Variants in ABCG2 observed in about 807,000 individuals in gnomAD.
ABCG2 encodes ATP binding cassette subfamily G member 2 (JR blood group).
In ABCG2, 80 loss-of-function variants were observed where a neutral mutation model predicts 73.5. The observed-to-expected ratio is 1.09, with a 90% confidence interval of 0.91 to 1.31. The LOEUF (loss-of-function observed/expected upper bound fraction) is 1.31, where lower values mean the gene tolerates loss of function less well. Among genes scored for constraint, ABCG2 ranks in the 50% most tolerant of loss-of-function variants. The pLI is 0.00. For synonymous variants in ABCG2, 269 were observed against 282.4 expected, an observed-to-expected ratio of 0.95 and a Z score of 0.48; for missense variants, 796 against 786.2, an observed-to-expected ratio of 1.01 and a Z score of -0.15.
chr4:88,158,761 G>C, upstream of ABCG2: 1 of 370,746 alleles, frequency 2.7e-6, no homozygotes, highest in Non-Finnish European at 5.2e-6. Flanking sequence ...CGCGGCGGCC[G>C]GCGTGGGAGG....
chr4:88,213,450 C>G (rs1729680778), intron 1 of ABCG2, among the ~76,000 whole-genome samples: 1 of 152,116 alleles, frequency 6.6e-6, no homozygotes, highest in African/African-American at 2.4e-5. Context: ...CACCCACCTG[C>G]ATCTGCTGCC....
intron 9 of ABCG2, among the ~76,000 whole-genome samples, chr4:88,108,542 GATAA>G (rs1722910980): frequency 6.6e-6 from 1 of 151,532 alleles, no homozygotes; most frequent in African/African-American, 2.4e-5. Flanking sequence ...AAAATAAATT[GATAA>G]ATAAATAAGA....
At chr4:88,101,665 G>A (rs945367387) in intron 10 of ABCG2, among the ~76,000 whole-genome samples, 7 of 152,178 alleles carry the variant, frequency 4.6e-5, no homozygotes, top group Non-Finnish European at 7.3e-5. Flanking sequence ...TTACAGGATA[G>A]GGAGGTGGGG....
intron 1 of ABCG2, among the ~76,000 whole-genome samples, chr4:88,222,889 A>C (rs1012574030): frequency 4.6e-5 from 7 of 152,202 alleles, no homozygotes; most frequent in African/African-American, 1.7e-4. Context: ...AAGGCCACAG[A>C]GGAAGAGCTG....
In ABCG2 at chr4:88,139,893, C is replaced by T; in HGVS notation, c.103G>A (p.Ala35Thr). ...CAGATGTTATGAAAACTTAACACAG[C>T]TCCTTCAGTAAATGCCTTCAGGTCA... ...SNDLKAFTEGAVLSFHNICYR... is the reference protein window; with the variant it reads ...SNDLKAFTEGTVLSFHNICYR... Residue 35 changes from alanine to threonine, a missense_variant, in exon 2 of 16, where the codon GCT becomes ACT. Physicochemically the swap from Ala to Thr is moderately conservative, Grantham distance 58 (BLOSUM62 0). Transcript: ENST00000237612. The T allele has an allele frequency of 1.2e-6, 2 of 1,614,172 alleles. No homozygotes were observed. Among genetic ancestry groups the T allele is most frequent in the South Asian group, 2.2e-5 (2 of 91,084 alleles).
rs376028551 is a variant in ABCG2, at chr4:88,118,149, G to A, written c.801C>T (p.His267=). 59 of 1,613,966 alleles carry A rather than the reference G, an allele frequency of 3.7e-5. No individual in the cohort carries two copies. Among genetic ancestry groups the A allele is most frequent in the South Asian group, 2.1e-4 (19 of 91,070 alleles). Residue 267 remains histidine, a synonymous_variant, in exon 7 of 16, where the codon CAC becomes CAT. Transcript: ENST00000237612. ...ATCCCAAGGCCTCCTGAGCAGGCCC[G>A]TGGAACATAAGTCTTCCTGAGGCCA... ...TLLASGRLMF[H]GPAQEALGYF...
chr4:88,124,381 G>C (rs1215644668), intron 5 of ABCG2, among the ~76,000 whole-genome samples: 1 of 152,168 alleles, frequency 6.6e-6, no homozygotes, highest in Non-Finnish European at 1.5e-5. Flanking sequence ...ATTGGATAAA[G>C]AGTCAAGACC....
chr4:88,230,135 G>A (rs1310314996), intron 1 of ABCG2, among the ~76,000 whole-genome samples: 2 of 149,594 alleles, frequency 1.3e-5, no homozygotes, highest in East Asian at 3.9e-4. Context: ...TGGGATTACA[G>A]GCGTGTGACA....
intron 8 of ABCG2, among the ~76,000 whole-genome samples, chr4:88,114,732 A>T (rs1723409217): frequency 1.3e-5 from 2 of 152,268 alleles, no homozygotes; most frequent in Non-Finnish European, 2.9e-5. Context: ...AGCATTTTTT[A>T]AAATGTTAAC....
chr4:88,094,991 T>C (rs948370648), intron 14 of ABCG2, among the ~76,000 whole-genome samples: 5 of 152,212 alleles, frequency 3.3e-5, no homozygotes, highest in African/African-American at 1.2e-4. Context: ...TGGTGCTCAA[T>C]GAGTATTGTT....
chr4:88,230,462 C>A (rs974849325), intron 1 of ABCG2, among the ~76,000 whole-genome samples: 1 of 151,644 alleles, frequency 6.6e-6, no homozygotes, highest in South Asian at 2.1e-4. Context: ...GCAGTTAATA[C>A]AAAAATTACA....
rs779953110 is a variant in ABCG2, at chr4:88,107,199, G to C, written c.1262C>G (p.Thr421Ser). ...ATTTACTTACCTGTTCTGGATTCCA[G>C]TAGAATCATTTTTTAGCCCAAAGTA... ...AIYFGLKNDS[T>S]GIQNRAGVLF... Residue 421 changes from threonine to serine, a missense_variant, in exon 10 of 16, where the codon ACT (threonine) becomes AGT (serine). Physicochemically the swap from Thr to Ser is moderately conservative, Grantham distance 58. Coordinates refer to ENST00000237612, the MANE Select transcript of ABCG2 (RefSeq NM_004827.3). 16 of 1,612,058 alleles carry C rather than the reference G, an allele frequency of 9.9e-6. No homozygotes were observed. Among genetic ancestry groups the C allele is most frequent in the South Asian group, 6.6e-5 (6 of 90,828 alleles).
At chr4:88,139,185 T>C (rs1194869786) in intron 2 of ABCG2, among the ~76,000 whole-genome samples, 2 of 151,634 alleles carry the variant, frequency 1.3e-5, no homozygotes, top group Non-Finnish European at 2.9e-5. Flanking sequence ...ACGAGACTTC[T>C]AGTGCATCAA....
upstream of ABCG2, among the ~76,000 whole-genome samples, chr4:88,160,108 T>G (rs1727222805): frequency 6.6e-6 from 1 of 151,858 alleles, no homozygotes; most frequent in African/African-American, 2.4e-5. Context: ...CTGGGTGTGG[T>G]GGCGAGGCTG....
intron 1 of ABCG2, among the ~76,000 whole-genome samples, chr4:88,188,040 A>G (rs149724916): frequency 6.6e-4 from 100 of 152,358 alleles, no homozygotes; most frequent in African/African-American, 2.3e-3. Context: ...ACAGTGTCAT[A>G]GCCTAAAAAG....
At chr4:88,106,840 G>A (rs764929695) in intron 10 of ABCG2, among the ~76,000 whole-genome samples, 1 of 152,134 alleles carries the variant, frequency 6.6e-6, no homozygotes, top group Non-Finnish European at 1.5e-5. Context: ...TCAGGAGTTC[G>A]AAGCCAGTCT....
At position 88,181,171 on chromosome 4, in the gene ABCG2, GTGGACGGA is replaced by G. The variant is rs1728218992; in HGVS notation, c.-19-41165_-19-41158del. Among the ~76,000 whole-genome samples the G allele has an allele frequency of 6.6e-5, 10 of 152,130 alleles. 1 individual carries two copies. In the South Asian group the frequency reaches 1.7e-3, roughly 25 times the overall value. ...AATCCCAGCACTTTGGGAGGCTGAG[GTGGACGGA>G]TCATGAAGTCAGGAGTTCAAGACCA... On this transcript the variant is annotated intron_variant, in intron 1 of 15. Coordinates refer to the ABCG2 transcript ENST00000515655.
At position 88,139,835 on chromosome 4, in the gene ABCG2, G is replaced by A; in HGVS notation, c.161C>T (p.Pro54Leu). 1 of 1,614,080 alleles carries A rather than the reference G, an allele frequency of 6.2e-7. No individual in the cohort carries two copies. The highest frequency in any genetic ancestry group is 8.5e-7 in the Non-Finnish European group (1 of 1,179,988). ...YRVKLKSGFL[P>L]CRKPVEKEIL... ...TTCTTTCTCAACTGGTTTTCGACAA[G>A]GTAGAAAGCCACTCTTCAGTTTTAC... Residue 54 changes from proline (P) to leucine (L), a missense_variant, in exon 2 of 16, where the codon CCT becomes CTT. Coordinates refer to ENST00000237612, the MANE Select transcript of ABCG2 (RefSeq NM_004827.3).
chr4:88,097,929 A>C (rs768604667), intron 12 of ABCG2, among the ~76,000 whole-genome samples: 1 of 152,008 alleles, frequency 6.6e-6, no homozygotes, highest in Non-Finnish European at 1.5e-5. Flanking sequence ...TAGCACATTC[A>C]TTTGCCCATA....
Sources: gnomAD v4.1 joint callset for allele counts (sites outside exome capture counted in the v4.1 genomes callset) on GRCh38, gnomAD v4.1.1 for gene constraint, MANE v1.5 for transcripts, NCBI Gene and HGNC (gene_info 2026-07-23, HGNC 2026-07-21) for gene names.